Variants in SYT1 observed in about 807,000 individuals in gnomAD.
SYT1 encodes the protein synaptotagmin 1.
In SYT1, 8 loss-of-function variants were observed where a neutral mutation model predicts 44.8. The ratio of observed to expected loss-of-function variants is 0.18; its 90% CI spans 0.10 to 0.32. The LOEUF (loss-of-function observed/expected upper bound fraction) is 0.32, where lower values mean the gene tolerates loss of function less well. Among genes scored for constraint, SYT1 ranks in the 10% least tolerant of loss-of-function variants. The pLI is 1.00. For missense variants in SYT1, 286 were observed against 509.3 expected, an observed-to-expected ratio of 0.56 and a Z score of 4.22; for synonymous variants, 154 against 188.8, an observed-to-expected ratio of 0.82 and a Z score of 1.51.
chr12:79,266,634 G>A (rs934353008), intron 4 of SYT1, among the ~76,000 whole-genome samples: 7 of 152,176 alleles, frequency 4.6e-5, no homozygotes, highest in African/African-American at 1.7e-4. Flanking sequence ...CGCAAGAACA[G>A]ACAATAAATC....
chr12:79,364,223 TC>T (rs564207598), intron 9 of SYT1, among the ~76,000 whole-genome samples: 70 of 150,194 alleles, frequency 4.7e-4, no homozygotes, highest in Middle Eastern at 3.4e-3. Context: ...TTCCTTCATT[TC>T]CCCCCTCCCC....
intron 3 of SYT1, among the ~76,000 whole-genome samples, chr12:79,200,517 T>A (rs1358859801): frequency 6.6e-6 from 1 of 152,062 alleles, no homozygotes; most frequent in Non-Finnish European, 1.5e-5. Flanking sequence ...CAAAAGGGTA[T>A]GAAAGAGTAA....
chr12:79,090,232 G>A (rs1035069741), intron 3 of SYT1, among the ~76,000 whole-genome samples: 1 of 151,938 alleles, frequency 6.6e-6, no homozygotes, highest in Admixed American at 6.6e-5. Context: ...TTTTTAAGAT[G>A]TGGAGAATAG....
chr12:79,354,623 G>C (rs1394507658), intron 9 of SYT1, among the ~76,000 whole-genome samples: 1 of 152,096 alleles, frequency 6.6e-6, no homozygotes, highest in African/African-American at 2.4e-5. Flanking sequence ...TAAGTCACCT[G>C]GGGAAGCTGT....
At chr12:79,445,853 T>C (rs1165352205) in intron 10 of SYT1, among the ~76,000 whole-genome samples, 1 of 147,726 alleles carries the variant, frequency 6.8e-6, no homozygotes, top group Non-Finnish European at 1.5e-5. Flanking sequence ...AGAAAGCTAA[T>C]ATAATAGCTA....
chr12:79,064,926 GAGAA>G (rs200335076), intron 3 of SYT1, among the ~76,000 whole-genome samples: 21,149 of 111,072 alleles, frequency 0.19, 1,978 homozygotes, highest in Admixed American at 0.21. Flanking sequence ...AAAAAATAGA[GAGAA>G]AGAAAGAAAG....
intron 3 of SYT1, among the ~76,000 whole-genome samples, chr12:79,101,480 G>T (rs1227054908): frequency 6.6e-6 from 1 of 152,026 alleles, no homozygotes; most frequent in Non-Finnish European, 1.5e-5. Flanking sequence ...TGGAGAGTCA[G>T]AGTATACAAG....
At chr12:79,117,668 TA>T (rs1879355916) in intron 3 of SYT1, among the ~76,000 whole-genome samples, 1 of 22,060 alleles carries the variant, frequency 4.5e-5, no homozygotes, top group Non-Finnish European at 8.1e-5. Context: ...ACATCATATA[TA>T]TATATATATA....
intron 3 of SYT1, among the ~76,000 whole-genome samples, chr12:79,100,808 T>C (rs1878403445): frequency 6.6e-6 from 1 of 152,138 alleles, no homozygotes; most frequent in Admixed American, 6.6e-5. Context: ...CTTAGCTACC[T>C]TTAGAACACA....
intron 3 of SYT1, among the ~76,000 whole-genome samples, chr12:79,191,318 A>G (rs1873109265): frequency 6.6e-6 from 1 of 152,092 alleles, no homozygotes; most frequent in Non-Finnish European, 1.5e-5. Flanking sequence ...CTAAGTGTAC[A>G]TCAACAGTAG....
chr12:78,882,579 A>T (rs763499717), intron 1 of SYT1, among the ~76,000 whole-genome samples: 1 of 151,842 alleles, frequency 6.6e-6, no homozygotes, highest in Non-Finnish European at 1.5e-5. Flanking sequence ...GAATTGGCAA[A>T]CTCTGCGTGG....
chr12:79,321,638 G>A (rs961772764), intron 8 of SYT1, among the ~76,000 whole-genome samples: 1 of 152,148 alleles, frequency 6.6e-6, no homozygotes, highest in African/African-American at 2.4e-5. Context: ...ATTTTAACAA[G>A]GATCATTTAG....
intron 1 of SYT1, among the ~76,000 whole-genome samples, chr12:78,969,691 G>A (rs1868331582): frequency 6.6e-6 from 1 of 152,140 alleles, no homozygotes; most frequent in African/African-American, 2.4e-5. Flanking sequence ...GATGAAGTAG[G>A]AGAAGTCAGC....
intron 8 of SYT1, among the ~76,000 whole-genome samples, chr12:79,304,408 G>A (rs995093786): frequency 7.2e-5 from 11 of 152,088 alleles, no homozygotes; most frequent in South Asian, 4.1e-4. Flanking sequence ...GCCTTTCTGG[G>A]TTTTTTTGGT....
chr12:79,039,003 T>C (rs904052504), intron 2 of SYT1, among the ~76,000 whole-genome samples: 7 of 152,018 alleles, frequency 4.6e-5, no homozygotes, highest in Admixed American at 4.6e-4. Flanking sequence ...AACATTAAAA[T>C]GAATATAAAT....
At chr12:79,193,716 C>A (rs368407436) in intron 3 of SYT1, among the ~76,000 whole-genome samples, 5 of 152,018 alleles carry the variant, frequency 3.3e-5, no homozygotes, top group East Asian at 1.9e-4. Context: ...TAGTGAGAAC[C>A]CCATCTCTAA....
chr12:79,245,473 C>CAAAAAAAAAAAAA (rs1273397377), intron 4 of SYT1, among the ~76,000 whole-genome samples: 3 of 43,522 alleles, frequency 6.9e-5, no homozygotes, highest in African/African-American at 9.7e-5. Context: ...ACTCCGTCAA[C>CAAAAAAAAAAAAA]AAAAAAAAAA....
At chr12:79,152,221 AC>A (rs1870315182) in intron 3 of SYT1, among the ~76,000 whole-genome samples, 2 of 152,274 alleles carry the variant, frequency 1.3e-5, no homozygotes, top group Admixed American at 6.5e-5. Context: ...TGGAAACCAG[AC>A]TTCAATGGGT....
chr12:79,358,986 T>G (rs1452128711), intron 9 of SYT1, among the ~76,000 whole-genome samples: 1 of 152,220 alleles, frequency 6.6e-6, no homozygotes, highest in African/African-American at 2.4e-5. Context: ...GGCAGATTCC[T>G]CTTCTTGCCT....
Sources: gnomAD v4.1 joint callset for allele counts (sites outside exome capture counted in the v4.1 genomes callset) on GRCh38, gnomAD v4.1.1 for gene constraint, MANE v1.5 for transcripts, NCBI Gene and HGNC (gene_info 2026-07-23, HGNC 2026-07-21) for gene names.